The following ARHGAP25 variants were observed in gnomAD, a reference collection of about 807,000 sequenced individuals.
The protein encoded by ARHGAP25 is rho GTPase-activating protein 25.
A neutral mutation model predicts 71.0 loss-of-function variants in ARHGAP25; 34 were observed. The ratio of observed to expected loss-of-function variants is 0.48; its 90% CI spans 0.36 to 0.64. The LOEUF (loss-of-function observed/expected upper bound fraction) is 0.64, where lower values mean the gene tolerates loss of function less well. ARHGAP25 is among the 30% of genes least tolerant of loss of function. The probability of loss-of-function intolerance (pLI) is 0.00; values close to 1 mark genes in which losing one functional copy is unlikely to be tolerated. For synonymous variants in ARHGAP25, 282 were observed against 296.5 expected (o/e 0.95, Z 0.50); for missense variants, 706 against 805.1 (o/e 0.88, Z 1.49).
At chr2:68,714,121 T>C (rs1389427822) in intron 2 of ARHGAP25, among the ~76,000 whole-genome samples, 1 of 89,336 alleles carries the variant, frequency 1.1e-5, no homozygotes, top group Non-Finnish European at 2.8e-5. Context: ...GTCCTTGGCT[T>C]TTTTTTTGAT....
intron 1 of ARHGAP25, among the ~76,000 whole-genome samples, chr2:68,738,269 T>C (rs2104283739): frequency 6.6e-6 from 1 of 152,338 alleles, no homozygotes; most frequent in African/African-American, 2.4e-5. Flanking sequence ...TTTCTGGACC[T>C]CCAGCCCCAG....
chr2:68,807,152 A>G, intron 4 of ARHGAP25, 121 bp from the exon 5 acceptor site: 1 of 873,082 alleles, frequency 1.1e-6, no homozygotes, highest in Non-Finnish European at 1.9e-6. Flanking sequence ...TTTATCTCCC[A>G]TATTTTGTCT....
chr2:68,714,848 G>A (rs1674573217), intron 2 of ARHGAP25, among the ~76,000 whole-genome samples: 2 of 152,118 alleles, frequency 1.3e-5, no homozygotes, highest in East Asian at 1.9e-4. Flanking sequence ...AAAAAAATGT[G>A]CACTAAAAAG....
Position 68,775,321 on chromosome 2 carries a change from G to A in ARHGAP25, c.162G>A (p.Lys54=). The change falls in exon 2 of 11, where the codon AAG becomes AAA. Residue 54 remains lysine (K), a synonymous_variant. Coordinates refer to ENST00000409202, the MANE Select transcript of ARHGAP25 (RefSeq NM_001007231.3). ...GGCCCATCAAGATGGGCTGGCTGAAGAAGCAGAGGTCCATCGTGAAGAACT... is the reference window on the plus strand; with the variant it reads ...GGCCCATCAAGATGGGCTGGCTGAAAAAGCAGAGGTCCATCGTGAAGAACT... ...LERPIKMGWL[K]KQRSIVKNWQ... 1.2e-6 allele frequency: 2 copies of A among 1,614,262 alleles called. No individual in the cohort carries two copies. Among genetic ancestry groups the A allele is most frequent in the South Asian group, 2.2e-5 (2 of 91,088 alleles).
intron 1 of ARHGAP25, among the ~76,000 whole-genome samples, chr2:68,751,516 G>A (rs1573433403): frequency 6.6e-6 from 1 of 152,120 alleles, no homozygotes; most frequent in African/African-American, 2.4e-5. Context: ...ACCTGCCATT[G>A]CCATTTTCCC....
At chr2:68,781,605 G>T in intron 2 of ARHGAP25, among the ~76,000 whole-genome samples, 1 of 152,130 alleles carries the variant, frequency 6.6e-6, no homozygotes, top group East Asian at 1.9e-4. Context: ...CACTGGCTTT[G>T]GACTGACTTC....
At chr2:68,753,988 T>C (rs1022334781) in intron 1 of ARHGAP25, among the ~76,000 whole-genome samples, 1 of 151,658 alleles carries the variant, frequency 6.6e-6, no homozygotes, top group Non-Finnish European at 1.5e-5. Flanking sequence ...CTGTAAGCTC[T>C]GCCTCCCAGG....
At chr2:68,730,808 T>C (rs1045730602), upstream of ARHGAP25, among the ~76,000 whole-genome samples, 1 of 152,078 alleles carries the variant, frequency 6.6e-6, no homozygotes, top group East Asian at 1.9e-4. Flanking sequence ...ATGGGGGCCG[T>C]ATTTGTGTTT....
intron 2 of ARHGAP25, among the ~76,000 whole-genome samples, chr2:68,721,072 A>G (rs929501741): frequency 2.0e-5 from 3 of 152,210 alleles, no homozygotes; most frequent in Non-Finnish European, 4.4e-5. Flanking sequence ...TCTTGGGGGC[A>G]ACTTCAACTA....
chr2:68,791,743 T>A (rs1476156319), intron 4 of ARHGAP25, among the ~76,000 whole-genome samples: 2 of 152,170 alleles, frequency 1.3e-5, no homozygotes, highest in Non-Finnish European at 2.9e-5. Flanking sequence ...TCTTCTGGCT[T>A]GCCGTCCCCT....
At chr2:68,805,370 C>A (rs946496444) in intron 4 of ARHGAP25, among the ~76,000 whole-genome samples, 1 of 152,032 alleles carries the variant, frequency 6.6e-6, no homozygotes, top group Non-Finnish European at 1.5e-5. Flanking sequence ...AAACGAACAA[C>A]AGCCAAGCAG....
At chr2:68,819,603 T>C in intron 9 of ARHGAP25, 1 of 618,580 alleles carries the variant, frequency 1.6e-6, no homozygotes, top group Non-Finnish European at 2.9e-6. Flanking sequence ...GAGACTCAAA[T>C]ACAGTCCAGA....
intron 4 of ARHGAP25, among the ~76,000 whole-genome samples, chr2:68,799,790 A>G (rs1479689860): frequency 6.6e-6 from 1 of 152,204 alleles, no homozygotes; most frequent in African/African-American, 2.4e-5. Flanking sequence ...GACAGATCCC[A>G]TGGTTTCCTT....
chr2:68,747,181 G>GA (rs983461226), intron 1 of ARHGAP25, among the ~76,000 whole-genome samples: 1 of 151,822 alleles, frequency 6.6e-6, no homozygotes, highest in Admixed American at 6.6e-5. Flanking sequence ...TTTTCTCCTT[G>GA]AAAAAAAATT....
intron 2 of ARHGAP25, among the ~76,000 whole-genome samples, chr2:68,728,457 A>G (rs1284376865): frequency 1.3e-5 from 2 of 152,240 alleles, no homozygotes; most frequent in Non-Finnish European, 2.9e-5. Context: ...TAAAGTCACC[A>G]TATAACCCAG....
At chr2:68,723,084 A>C (rs550824627) in intron 2 of ARHGAP25, among the ~76,000 whole-genome samples, 9 of 152,256 alleles carry the variant, frequency 5.9e-5, no homozygotes, top group Non-Finnish European at 1.2e-4. Flanking sequence ...ATGCACCGGT[A>C]ATGGTTCATA....
At chr2:68,813,497 TG>T in intron 6 of ARHGAP25, 78 bp downstream of exon 6, 1 of 1,520,820 alleles carries the variant, frequency 6.6e-7, no homozygotes, top group Admixed American at 2.0e-5. Flanking sequence ...TAGGCAACAG[TG>T]GGTCAAGGGG....
chr2:68,751,909 G>A (rs558424007), intron 1 of ARHGAP25, among the ~76,000 whole-genome samples: 1 of 152,324 alleles, frequency 6.6e-6, no homozygotes, highest in East Asian at 1.9e-4. Context: ...AACTGACGCT[G>A]GGAGTGGCCA....
upstream of ARHGAP25, among the ~76,000 whole-genome samples, chr2:68,733,449 G>C (rs1218611213): frequency 6.6e-6 from 1 of 152,146 alleles, no homozygotes; most frequent in East Asian, 1.9e-4. Flanking sequence ...ATGAAGGAGA[G>C]AAATGGGACT....
Sources: allele counts gnomAD v4.1 joint callset (sites outside exome capture counted in the v4.1 genomes callset), GRCh38; gene constraint gnomAD v4.1.1; transcripts MANE v1.5; gene names NCBI Gene and HGNC (gene_info 2026-07-23, HGNC 2026-07-21).